CLSPN: variants seen among roughly 807,000 people sequenced by gnomAD.
The protein encoded by CLSPN is claspin homolog.
A neutral mutation model predicts 156.3 loss-of-function variants in CLSPN; 85 were observed. That is an observed-to-expected ratio of 0.54 (90% CI 0.46 to 0.65). CLSPN has a LOEUF of 0.65. Ranked by LOEUF, CLSPN falls within the 30% of genes least tolerant of loss-of-function variation. The pLI is 0.00. For synonymous variants in CLSPN, 534 were observed against 542.4 expected (o/e 0.98, Z 0.22); for missense variants, 1,407 against 1,554.9 (o/e 0.90, Z 1.60).
chr1:35,739,407 G>A lies in CLSPN; in HGVS notation c.3266C>T (p.Pro1089Leu), dbSNP rs181720325. 4.5e-5 allele frequency: 72 copies of A among 1,614,090 alleles called. No homozygotes were observed. The African/African-American group carries it at 8.8e-4, about 20-fold the overall frequency. The change falls in exon 19 of 25, where the codon CCT (proline) becomes CTT (leucine). Residue 1089 changes from proline (P) to leucine (L), a missense_variant. Physicochemically the swap from Pro to Leu is moderately conservative, Grantham distance 98. Transcript: ENST00000318121. ...YEEDVIDEVL[P>L]SDEELQSQIK... ...TTGACTCTGCAGTTCCTCATCAGAAGGAAGTACTTCATCAATTACGTCCTC... is the reference window on the plus strand; with the variant it reads ...TTGACTCTGCAGTTCCTCATCAGAAAGAAGTACTTCATCAATTACGTCCTC...
chr1:35,745,480 A>G lies in CLSPN; in HGVS notation c.2937T>C (p.Ala979=). The change falls in exon 16 of 25, where the codon GCT becomes GCC. Residue 979 remains alanine, a synonymous_variant. Coordinates refer to ENST00000318121, the MANE Select transcript of CLSPN (RefSeq NM_022111.4). ...SMGDPMEEAL[A]LCSGSFPTDK... is the part of the protein sequence containing the mutation. Reference sequence around the variant, plus strand: ...CTGTGGGAAAAGAGCCTGAGCAAAGAGCAAGTGCTTCTTCCATTGGATCAC... The same window carrying G: ...CTGTGGGAAAAGAGCCTGAGCAAAGGGCAAGTGCTTCTTCCATTGGATCAC... 1 of 1,613,874 alleles carries G rather than the reference A, an allele frequency of 6.2e-7. No homozygotes were observed. Among genetic ancestry groups the G allele is most frequent in the Non-Finnish European group, 8.5e-7 (1 of 1,179,840 alleles).
Position 35,735,275 on chromosome 1 carries a change from G to A in CLSPN, c.*1221C>T, listed in dbSNP as rs956206825. ...TAGAGGCAGAGTCTTTCTGACTTGG[G>A]TACCAGTTTAAGTCCTTATTAAGCA... On this transcript the variant is annotated 3_prime_UTR_variant, in exon 25 of 25. Transcript: ENST00000318121. The A allele has an allele frequency of 5.1e-6, 5 of 985,266 alleles. No homozygotes were observed. The highest frequency in any genetic ancestry group is 1.1e-4 in the East Asian group (1 of 8,822). 61.0% of individuals were successfully genotyped at this position (985,266 alleles called of 1,614,324 possible). A position where few individuals can be genotyped will look rare whatever the true frequency, so the allele number is the denominator to read the frequency against.
At position 35,753,925 on chromosome 1, in the gene CLSPN, A is replaced by G; in HGVS notation, c.1591T>C (p.Leu531=). The part of the protein sequence containing the change: ...EPETNRELEA[L]KQRFWKHANP... ...GCATGCTTCCAGAAACGCTGCTTCA[A>G]GGCTTCCAGTTCTAAACCCAAACGC... Residue 531 remains leucine, a synonymous_variant, in exon 9 of 25, where the codon TTG becomes CTG. Coordinates refer to ENST00000318121, the MANE Select transcript of CLSPN (RefSeq NM_022111.4). The G allele has an allele frequency of 3.1e-6, 5 of 1,614,164 alleles. No homozygotes were observed. The highest frequency in any genetic ancestry group is 4.2e-6 in the Non-Finnish European group (5 of 1,180,024).
chr1:35,743,213 A>G lies in CLSPN; in HGVS notation c.3071T>C (p.Leu1024Pro). 6.2e-7 allele frequency: 1 copy of G among 1,614,086 alleles called. No individual in the cohort carries two copies. Among genetic ancestry groups the G allele is most frequent in the Non-Finnish European group, 8.5e-7 (1 of 1,179,892 alleles). ...EDEHSDSGND[L>P]ALEDHEDDDE... ...ATCATCTTCATGGTCTTCCAGTGCCAGATCATTACCAGAGTCACTGTGTTC... is the reference window on the plus strand; with the variant it reads ...ATCATCTTCATGGTCTTCCAGTGCCGGATCATTACCAGAGTCACTGTGTTC... Residue 1024 changes from leucine (L) to proline (P), a missense_variant, in exon 18 of 25, where the codon CTG (leucine) becomes CCG (proline). This residue lies in a region of CLSPN where 1,096 missense variants were observed against 1,193.0 expected (regional missense o/e 0.92). Transcript: ENST00000318121.
At chr1:35,748,273 G>T in intron 13 of CLSPN, 132 bp downstream of exon 13, 2 of 994,336 alleles carry the variant, frequency 2.0e-6, no homozygotes, top group Non-Finnish European at 3.0e-6. Context: ...ACACAAAGGG[G>T]GTGGATTTTT....
rs1641415748 is a variant in CLSPN, at chr1:35,734,933, T to A, written c.*1563A>T. 4 of 985,270 alleles carry A rather than the reference T, an allele frequency of 4.1e-6. No individual in the cohort carries two copies. In the South Asian group the frequency reaches 1.4e-4, roughly 35 times the overall value. 61.0% of individuals were successfully genotyped at this position (985,270 alleles called of 1,614,324 possible). A position where few individuals can be genotyped will look rare whatever the true frequency, so the allele number is the denominator to read the frequency against. ...CATTTGTCTAAAATTCTGAGAAGCT[T>A]GTGGTAGTTCAGGGAAAATGGAGAA... On this transcript the variant is annotated 3_prime_UTR_variant, in exon 25 of 25. Transcript: ENST00000318121.
Position 35,762,410 on chromosome 1 carries a change from C to G in CLSPN, c.816G>C (p.Thr272=), listed in dbSNP as rs143309599. ...EEGSELSKGT[T]RKERKAARLS... ...ATACAGGGCTCTACCTCACCTTCCT[C>G]GTGGTTCCTTTTGATAACTCACTTC... The change falls in exon 5 of 25, where the codon ACG becomes ACC. Residue 272 remains threonine (T), a synonymous_variant. Transcript: ENST00000318121. 1 of 1,613,368 alleles carries G rather than the reference C, an allele frequency of 6.2e-7. No individual in the cohort carries two copies. Among genetic ancestry groups the G allele is most frequent in the Admixed American group, 1.7e-5 (1 of 60,002 alleles).
In CLSPN at chr1:35,739,261, C is replaced by T. The variant is rs928853894; in HGVS notation, c.3309-4G>A. On this transcript the variant is annotated splice_polypyrimidine_tract_variant and splice_region_variant and intron_variant, in intron 19 of 24. Coordinates refer to ENST00000318121, the MANE Select transcript of CLSPN (RefSeq NM_022111.4). ...ATCATCATCCAACATAGTTTTCCTGCAACAGGAGAAATAAGGTGTTCAAAA... is the reference window on the plus strand; with the variant it reads ...ATCATCATCCAACATAGTTTTCCTGTAACAGGAGAAATAAGGTGTTCAAAA... 15 of 1,614,040 alleles carry T rather than the reference C, an allele frequency of 9.3e-6. No homozygotes were observed. The highest frequency in any genetic ancestry group is 1.3e-5 in the Non-Finnish European group (15 of 1,180,026).
At chr1:35,756,716 T>C (rs1642283915) in intron 8 of CLSPN, among the ~76,000 whole-genome samples, 1 of 152,196 alleles carries the variant, frequency 6.6e-6, no homozygotes, top group African/African-American at 2.4e-5. Context: ...AATAATGTAT[T>C]TCTGACATCA....
chr1:35,757,003 C>G (rs1023294462), intron 8 of CLSPN, among the ~76,000 whole-genome samples: 1 of 152,178 alleles, frequency 6.6e-6, no homozygotes, highest in Non-Finnish European at 1.5e-5. Context: ...TCCTTGCTAT[C>G]TTCACTTCAG....
At chr1:35,726,425 T>G (rs187690019) in intron 24 of CLSPN, among the ~76,000 whole-genome samples, 2 of 152,194 alleles carry the variant, frequency 1.3e-5, no homozygotes, top group Admixed American at 1.3e-4. Flanking sequence ...GGGGACAGAA[T>G]GAAGACAGGT....
chr1:35,744,292 T>C (rs976325720), intron 16 of CLSPN, among the ~76,000 whole-genome samples: 37 of 152,182 alleles, frequency 2.4e-4, no homozygotes, highest in Non-Finnish European at 5.3e-4. Flanking sequence ...GGTTCATCCA[T>C]GTTGTAGCAA....
chr1:35,730,373 G>A (rs574561420), downstream of CLSPN, among the ~76,000 whole-genome samples: 8 of 151,752 alleles, frequency 5.3e-5, no homozygotes, highest in East Asian at 3.9e-4. Flanking sequence ...GTGAAACCCC[G>A]TCTCTACTAA....
chr1:35,742,659 G>A (rs1446465023), intron 18 of CLSPN, among the ~76,000 whole-genome samples: 2 of 151,858 alleles, frequency 1.3e-5, no homozygotes, highest in African/African-American at 4.8e-5. Flanking sequence ...GATTACAGGC[G>A]TGAGCCACTG....
exon 25 of CLSPN, chr1:35,720,847 G>A (rs1641058036): frequency 7.2e-7 from 1 of 1,388,816 alleles, no homozygotes; most frequent in Non-Finnish European, 1.0e-6. Context: ...GTTCTGCCCA[G>A]AATAGCCCTT....
At chr1:35,737,792 C>A in intron 22 of CLSPN, 200 bp downstream of exon 22, 1 of 440,702 alleles carries the variant, frequency 2.3e-6, no homozygotes. Flanking sequence ...GCCACATATA[C>A]TCATGAATAC....
chr1:35,748,820 CTTTTTT>C (rs201350754), intron 12 of CLSPN: 162 of 293,234 alleles, frequency 5.5e-4, no homozygotes, highest in Admixed American at 1.1e-3. Context: ...CTTGAAAGTT[CTTTTTT>C]TTTTTTTTTT....
intron 24 of CLSPN, among the ~76,000 whole-genome samples, chr1:35,726,717 C>T (rs1313545417): frequency 2.0e-5 from 3 of 152,152 alleles, no homozygotes; most frequent in Admixed American, 6.5e-5. Flanking sequence ...ACACAGAAAA[C>T]AAATCTATTG....
In CLSPN at chr1:35,762,124, T is replaced by C. The variant is rs1303230320; in HGVS notation, c.823-54A>G. ...TTAATTATATGAATATCCAGAAAGA[T>C]AGATATTCATCACTCAAGAGTTTGC... On this transcript the variant is annotated intron_variant, in intron 5 of 24. Transcript: ENST00000318121. 6 of 1,310,978 alleles carry C rather than the reference T, an allele frequency of 4.6e-6. No homozygotes were observed. In the East Asian group the frequency reaches 6.9e-5, roughly 15 times the overall value. 81.2% of individuals were successfully genotyped at this position (1,310,978 alleles called of 1,614,324 possible). A position where few individuals can be genotyped will look rare whatever the true frequency, so the allele number is the denominator to read the frequency against.
Sources: allele counts gnomAD v4.1 joint callset (sites outside exome capture counted in the v4.1 genomes callset), GRCh38; gene constraint gnomAD v4.1.1; regional missense constraint gnomAD v4.1.1; transcripts MANE v1.5; gene names NCBI Gene and HGNC (gene_info 2026-07-23, HGNC 2026-07-21).